Variants in UNC13C observed in about 807,000 individuals in gnomAD.
UNC13C encodes unc-13 homolog C.
Under a neutral mutation model 245.4 loss-of-function variants are expected in UNC13C, and 174 were observed. The ratio of observed to expected loss-of-function variants is 0.71; its 90% CI spans 0.63 to 0.80. The LOEUF (loss-of-function observed/expected upper bound fraction) is 0.80. Ranked by LOEUF, UNC13C falls within the 30% of genes least tolerant of loss-of-function variation. The probability of loss-of-function intolerance (pLI) is 0.00; values close to 1 mark genes in which losing one functional copy is unlikely to be tolerated. For missense variants in UNC13C, 2,829 were observed against 2,602.9 expected, an observed-to-expected ratio of 1.09 and a Z score of -1.89; for synonymous variants, 992 against 895.1, an observed-to-expected ratio of 1.11 and a Z score of -1.93.
At chr15:54,016,304 T>TA (rs753095619) in intron 2 of UNC13C, among the ~76,000 whole-genome samples, 33 of 151,660 alleles carry the variant, frequency 2.2e-4, no homozygotes, top group South Asian at 1.3e-3. Context: ...GGTGTAATCT[T>TA]AAAAAAAAAT....
chr15:54,445,980 G>A lies in UNC13C; in HGVS notation c.4933+30913G>A, dbSNP rs1450321397. Among the ~76,000 whole-genome samples the A allele has an allele frequency of 2.0e-5, 3 of 152,270 alleles. No individual in the cohort carries two copies. In the East Asian group the frequency reaches 5.8e-4, roughly 29 times the overall value. Reference sequence around the variant, plus strand: ...GAATTAATTTTTGTATAAGGTGTAAGGAAGGGATCCAGTTTCAGCTTTCTA... The same window carrying A: ...GAATTAATTTTTGTATAAGGTGTAAAGAAGGGATCCAGTTTCAGCTTTCTA... On this transcript the variant is annotated intron_variant, in intron 19 of 32. Coordinates refer to ENST00000260323, the MANE Select transcript of UNC13C (RefSeq NM_001080534.3).
rs894377863 is a variant in UNC13C at position 54,062,273 on chromosome 15, C to T, written c.2983+46387C>T. 2.0e-5 allele frequency among the ~76,000 whole-genome samples: 3 copies of T among 150,952 alleles called. No homozygotes were observed. In the South Asian group the frequency reaches 6.3e-4, roughly 32 times the overall value. On this transcript the variant is annotated intron_variant, in intron 2 of 32. Coordinates refer to ENST00000260323, the MANE Select transcript of UNC13C (RefSeq NM_001080534.3). ...GGTGGAGGTTGCAGTGAGCCGAGAT[C>T]GCCCATTGCACTGCACTCCAGCCTG...
intron 2 of UNC13C, among the ~76,000 whole-genome samples, chr15:54,044,000 T>A (rs1357296358): frequency 6.6e-6 from 1 of 152,222 alleles, no homozygotes; most frequent in Non-Finnish European, 1.5e-5. Context: ...TTTAGAGATG[T>A]ACAACCATCA....
At chr15:54,332,542 G>A (rs17818405) in intron 15 of UNC13C, among the ~76,000 whole-genome samples, 99,546 of 151,618 alleles carry the variant, frequency 0.66, 33,329 homozygotes, top group African/African-American at 0.74. Flanking sequence ...CTCCTGGATC[G>A]TGATACCAAG....
At position 54,247,640 on chromosome 15, in the gene UNC13C, T is replaced by C. The variant is rs1352694088; in HGVS notation, c.3229-2585T>C. ...ATGAGATCTTATTAAAGGGGATATA[T>C]ACCCTCTAGTAGGTTGTCTAATGTT... On this transcript the variant is annotated intron_variant, in intron 7 of 32. Coordinates refer to ENST00000260323, the MANE Select transcript of UNC13C (RefSeq NM_001080534.3). Among the ~76,000 whole-genome samples, 4 of 152,170 alleles carry C rather than the reference T, an allele frequency of 2.6e-5. No homozygotes were observed. In the South Asian group the frequency reaches 6.2e-4, roughly 24 times the overall value.
the UNC13C span, among the ~76,000 whole-genome samples, chr15:53,857,031 C>T: frequency 6.6e-6 from 1 of 152,010 alleles, no homozygotes; most frequent in African/African-American, 2.4e-5. Flanking sequence ...ACCCTCACCT[C>T]GTGATCTGCC....
intron 2 of UNC13C, among the ~76,000 whole-genome samples, chr15:54,045,154 G>A (rs114703288): frequency 0.014 from 2,138 of 152,178 alleles, 50 homozygotes; most frequent in African/African-American, 0.048. Flanking sequence ...CAAATCCAAA[G>A]TCATGAAGAG....
intron 2 of UNC13C, among the ~76,000 whole-genome samples, chr15:54,063,727 G>A (rs942145428): frequency 1.3e-4 from 20 of 152,168 alleles, no homozygotes; most frequent in Non-Finnish European, 2.6e-4. Context: ...TTTGTGCTAA[G>A]TGTGAAAGCA....
chr15:54,385,202 GTGCCCATGGTGAACGA>G (rs1032516004), intron 17 of UNC13C, among the ~76,000 whole-genome samples: 6 of 152,070 alleles, frequency 3.9e-5, no homozygotes, highest in African/African-American at 1.4e-4. Context: ...ATCAACCTAA[GTGCCCATGGTGAACGA>G]TGCCCACTTT....
At chr15:54,554,608 A>G (rs113201316) in intron 28 of UNC13C, among the ~76,000 whole-genome samples, 1 of 152,084 alleles carries the variant, frequency 6.6e-6, no homozygotes, top group East Asian at 1.9e-4. Flanking sequence ...ATTAAACAAT[A>G]TATCTCATTC....
At chr15:54,577,551 C>G (rs745673159) in intron 30 of UNC13C, among the ~76,000 whole-genome samples, 3 of 152,154 alleles carry the variant, frequency 2.0e-5, no homozygotes, top group Admixed American at 6.5e-5. Context: ...AAAGGGAAGA[C>G]TACGTTCAGA....
chr15:53,992,848 G>A (rs2140962438), intron 1 of UNC13C, among the ~76,000 whole-genome samples: 1 of 152,114 alleles, frequency 6.6e-6, no homozygotes, highest in Non-Finnish European at 1.5e-5. Context: ...TGCATCAAGA[G>A]GCCCTAGCAA....
Position 54,138,438 on chromosome 15 carries a change from T to C in UNC13C, c.2984-4580T>C, listed in dbSNP as rs572504890. Among the ~76,000 whole-genome samples, 785 of 152,128 alleles carry C rather than the reference T, an allele frequency of 5.2e-3. 11 individuals carry two copies. Among genetic ancestry groups the C allele is most frequent in the African/African-American group, 0.018 (758 of 41,548 alleles). ...CTATTTCTATATATAACTGTTTTTG[T>C]TTTTACATAGTCACCTTATAACCTG... On this transcript the variant is annotated intron_variant, in intron 2 of 32. Coordinates refer to ENST00000260323, the MANE Select transcript of UNC13C (RefSeq NM_001080534.3).
chr15:54,044,451 G>A, intron 2 of UNC13C: 1 of 328,862 alleles, frequency 3.0e-6, no homozygotes, highest in Non-Finnish European at 6.3e-6. Flanking sequence ...TCTAGAGGTA[G>A]GATTACTTGG....
chr15:53,930,598 A>T, the UNC13C span, among the ~76,000 whole-genome samples: 1 of 152,132 alleles, frequency 6.6e-6, no homozygotes, highest in African/African-American at 2.4e-5. Flanking sequence ...TACTTATAAA[A>T]CACCCTATTG....
chr15:54,606,107 T>G (rs1361029680), intron 30 of UNC13C, among the ~76,000 whole-genome samples: 1 of 152,220 alleles, frequency 6.6e-6, no homozygotes, highest in Non-Finnish European at 1.5e-5. Flanking sequence ...TTTGTTATTG[T>G]TATTAAAGTA....
chr15:54,296,096 C>A (rs1254256842), intron 11 of UNC13C, among the ~76,000 whole-genome samples: 1 of 152,128 alleles, frequency 6.6e-6, no homozygotes, highest in Admixed American at 6.5e-5. Context: ...AGTTAAAAAT[C>A]AAAGAACCAA....
At chr15:54,244,154 T>C (rs2035931208) in intron 7 of UNC13C, among the ~76,000 whole-genome samples, 1 of 152,204 alleles carries the variant, frequency 6.6e-6, no homozygotes, top group Non-Finnish European at 1.5e-5. Flanking sequence ...TTAATTTTTG[T>C]ATATGATGTA....
At chr15:54,113,909 G>A (rs1410418097) in intron 2 of UNC13C, among the ~76,000 whole-genome samples, 8 of 152,106 alleles carry the variant, frequency 5.3e-5, no homozygotes, top group African/African-American at 1.7e-4. Context: ...ACCTGTGTAC[G>A]TTTTGCTGGA....
Sources: gnomAD v4.1 joint callset for allele counts (sites outside exome capture counted in the v4.1 genomes callset) on GRCh38, gnomAD v4.1.1 for gene constraint, MANE v1.5 for transcripts, NCBI Gene and HGNC (gene_info 2026-07-23, HGNC 2026-07-21) for gene names.